Variants in ERI3 observed in about 807,000 individuals in gnomAD.
ERI3 encodes ERI1 exoribonuclease family member 3.
In ERI3, 18 loss-of-function variants were observed where a neutral mutation model predicts 44.4. The ratio of observed to expected loss-of-function variants is 0.41; its 90% CI spans 0.28 to 0.60. ERI3 has a LOEUF of 0.60. Ranked by LOEUF, ERI3 falls within the 20% of genes least tolerant of loss-of-function variation. ERI3 has a pLI of 0.36. For missense variants in ERI3, 294 were observed against 435.5 expected (o/e 0.68, Z 2.89); for synonymous variants, 183 against 164.8 (o/e 1.11, Z -0.84).
intron 1 of ERI3, chr1:44,353,823 G>T (rs1180995188): frequency 1.0e-6 from 1 of 985,204 alleles, no homozygotes; most frequent in Non-Finnish European, 1.2e-6. Flanking sequence ...GAGCTCCAGT[G>T]AAGCACCACA....
At chr1:44,229,643 G>A (rs990232184) in intron 8 of ERI3, among the ~76,000 whole-genome samples, 10 of 152,210 alleles carry the variant, frequency 6.6e-5, no homozygotes, top group Non-Finnish European at 2.9e-5. Flanking sequence ...GCCTGGGCAT[G>A]CAGCCCCGGC....
chr1:44,282,525 A>T (rs1391182936), intron 7 of ERI3, among the ~76,000 whole-genome samples: 1 of 152,124 alleles, frequency 6.6e-6, no homozygotes, highest in Non-Finnish European at 1.5e-5. Flanking sequence ...TACTCTTTTT[A>T]AGCAGGAATC....
At chr1:44,297,975 G>A (rs963918197) in intron 6 of ERI3, among the ~76,000 whole-genome samples, 2 of 152,254 alleles carry the variant, frequency 1.3e-5, no homozygotes, top group African/African-American at 4.8e-5. Flanking sequence ...ACAAGCCCTA[G>A]AGAAGTCCTG....
Position 44,242,078 on chromosome 1 carries a change from A to T in ERI3, c.931+5861T>A, listed in dbSNP as rs533962692. On this transcript the variant is annotated intron_variant, in intron 8 of 8. Coordinates refer to ENST00000372257, the MANE Select transcript of ERI3 (RefSeq NM_024066.3). ...GCACTATCCAGGCAGGCCAGTGCAG[A>T]CCCTGTCAATGATGGGAGAGTTAAC... 1.6e-5 allele frequency: 16 copies of T among 985,502 alleles called. No individual in the cohort carries two copies. In the South Asian group the frequency reaches 7.0e-4, roughly 43 times the overall value. 61.0% of individuals were successfully genotyped at this position (985,502 alleles called of 1,614,324 possible).
At chr1:44,296,338 A>G (rs929805941) in intron 6 of ERI3, among the ~76,000 whole-genome samples, 1 of 152,128 alleles carries the variant, frequency 6.6e-6, no homozygotes, top group Admixed American at 6.5e-5. Flanking sequence ...ATGAGAGGGG[A>G]GGGGGCGAGC....
chr1:44,269,042 C>T (rs1202462858), intron 7 of ERI3, among the ~76,000 whole-genome samples: 1 of 152,196 alleles, frequency 6.6e-6, no homozygotes, highest in African/African-American at 2.4e-5. Context: ...TCCCTGGACC[C>T]TCAACTTCTT....
chr1:44,301,461 C>A (rs995570482), intron 6 of ERI3, among the ~76,000 whole-genome samples: 11 of 152,148 alleles, frequency 7.2e-5, no homozygotes, highest in Admixed American at 7.2e-4. Context: ...TAAGCAATAC[C>A]CTCATTCCTT....
chr1:44,296,137 C>G (rs113643356), intron 6 of ERI3, among the ~76,000 whole-genome samples: 1 of 152,170 alleles, frequency 6.6e-6, no homozygotes, highest in Non-Finnish European at 1.5e-5. Flanking sequence ...TTCTCCACCC[C>G]CCTCCACCGT....
intron 1 of ERI3, chr1:44,353,520 T>C (rs771652010): frequency 2.3e-4 from 230 of 985,440 alleles, no homozygotes; most frequent in Admixed American, 3.1e-4. Context: ...GTCTTTTGCA[T>C]AAAGAAACAC....
At chr1:44,342,828 T>TATATAAATATATATATATATATATATAA (rs71036675) in intron 2 of ERI3, among the ~76,000 whole-genome samples, 1 of 18,770 alleles carries the variant, frequency 5.3e-5, no homozygotes, top group African/African-American at 2.3e-4. Context: ...TATATATATA[T>TATATAAATATATATATATATATATATAA]ATATATATAT....
intron 7 of ERI3, among the ~76,000 whole-genome samples, chr1:44,281,620 A>ATATAAT (rs1033322874): frequency 1.4e-5 from 2 of 141,478 alleles, no homozygotes; most frequent in Non-Finnish European, 3.1e-5. Flanking sequence ...ATATATATAT[A>ATATAAT]ATATATATAT....
intron 2 of ERI3, among the ~76,000 whole-genome samples, chr1:44,342,839 A>ATATATATATATG (rs1646698676): frequency 3.6e-5 from 1 of 27,670 alleles, no homozygotes; most frequent in Non-Finnish European, 6.5e-5. Context: ...ATATATATAT[A>ATATATATATATG]TATATATATA....
At chr1:44,354,739 C>G (rs1461050645) in intron 1 of ERI3, 153 bp downstream of exon 1, 5 of 985,096 alleles carry the variant, frequency 5.1e-6, no homozygotes, top group Non-Finnish European at 6.0e-6. Context: ...CCCGCTCCCC[C>G]TCCGCCAGAA....
intron 6 of ERI3, among the ~76,000 whole-genome samples, chr1:44,304,502 G>A (rs1645793474): frequency 6.6e-6 from 1 of 152,198 alleles, no homozygotes; most frequent in Admixed American, 6.5e-5. Flanking sequence ...GTAGTCAGCT[G>A]TTGAGCAATG....
intron 3 of ERI3, among the ~76,000 whole-genome samples, chr1:44,335,499 C>A (rs866036042): frequency 1.1e-4 from 16 of 152,210 alleles, no homozygotes; most frequent in South Asian, 2.1e-4. Context: ...GTGGCTCATG[C>A]CTGTAATCCC....
At chr1:44,289,507 C>T (rs971059741) in intron 6 of ERI3, among the ~76,000 whole-genome samples, 2 of 152,186 alleles carry the variant, frequency 1.3e-5, no homozygotes, top group Non-Finnish European at 2.9e-5. Flanking sequence ...TTTTGAATAA[C>T]AGAAAAGAAA....
intron 6 of ERI3, among the ~76,000 whole-genome samples, chr1:44,306,286 C>A (rs1301813715): frequency 6.6e-6 from 1 of 152,194 alleles, no homozygotes; most frequent in African/African-American, 2.4e-5. Context: ...ACTACACGGT[C>A]TTAGAATTCA....
chr1:44,296,648 A>G (rs556678138), intron 6 of ERI3, among the ~76,000 whole-genome samples: 1 of 152,298 alleles, frequency 6.6e-6, no homozygotes, highest in East Asian at 1.9e-4. Context: ...AATGGCAGAG[A>G]GTAAATCAGA....
intron 8 of ERI3, among the ~76,000 whole-genome samples, chr1:44,239,953 A>T (rs1644397853): frequency 6.6e-6 from 1 of 152,138 alleles, no homozygotes; most frequent in African/African-American, 2.4e-5. Context: ...ACTAGCAGCC[A>T]TGTTCTCCTC....
Sources: gnomAD v4.1 joint callset for allele counts (sites outside exome capture counted in the v4.1 genomes callset) on GRCh38, gnomAD v4.1.1 for gene constraint, MANE v1.5 for transcripts, NCBI Gene and HGNC (gene_info 2026-07-23, HGNC 2026-07-21) for gene names.